The following HSP90AA1 variants were observed in gnomAD, a reference collection of about 807,000 sequenced individuals.
The protein encoded by HSP90AA1 is heat shock protein HSP 90-alpha.
A neutral mutation model predicts 73.3 loss-of-function variants in HSP90AA1; 18 were observed. That is an observed-to-expected ratio of 0.25 (90% CI 0.17 to 0.36). The LOEUF is 0.36. HSP90AA1 is among the 10% of genes least tolerant of loss of function. HSP90AA1 has a pLI of 1.00. For missense variants in HSP90AA1, 704 were observed against 874.2 expected, an observed-to-expected ratio of 0.81 and a Z score of 2.45; for synonymous variants, 477 against 296.9, an observed-to-expected ratio of 1.61 and a Z score of -6.24.
At chr14:102,084,293 AC>A in intron 6 of HSP90AA1, 105 bp downstream of exon 6, 1 of 1,055,112 alleles carries the variant, frequency 9.5e-7, no homozygotes, top group South Asian at 1.3e-5. Flanking sequence ...TGATCTGCCC[AC>A]CCCGGCCTCC....
intron 1 of HSP90AA1, among the ~76,000 whole-genome samples, chr14:102,127,389 A>G (rs566275133): frequency 1.3e-5 from 2 of 152,324 alleles, no homozygotes; most frequent in East Asian, 1.9e-4. Context: ...TTCAGTTCTA[A>G]CATACTGTAA....
chr14:102,130,396 C>T (rs1038931462), intron 1 of HSP90AA1, among the ~76,000 whole-genome samples: 2 of 152,170 alleles, frequency 1.3e-5, no homozygotes, highest in Non-Finnish European at 2.9e-5. Flanking sequence ...ACTTTTCCTT[C>T]CTATCTGCAG....
chr14:102,083,167 A>G lies in HSP90AA1; in HGVS notation c.1622T>C (p.Leu541Ser), dbSNP rs144774653. Reference sequence around the variant, plus strand: ...CAGGCCTTCTTTGGTGACTGACACTAAAGTCTTCCCCTCAAATTCCTTCAG... The same window carrying G: ...CAGGCCTTCTTTGGTGACTGACACTGAAGTCTTCCCCTCAAATTCCTTCAG... ...QQLKEFEGKTLVSVTKEGLEL... is the reference protein window; with the variant it reads ...QQLKEFEGKTSVSVTKEGLEL... The change falls in exon 9 of 11, where the codon TTA becomes TCA. Residue 541 changes from leucine (L) to serine (S), a missense_variant. Physicochemically the swap from Leu to Ser is moderately radical, Grantham distance 145. Coordinates refer to ENST00000216281, the MANE Select transcript of HSP90AA1 (RefSeq NM_005348.4). The G allele has an allele frequency of 8.1e-6, 13 of 1,613,952 alleles. No homozygotes were observed. The highest frequency in any genetic ancestry group is 2.2e-5 in the South Asian group (2 of 91,072).
intron 1 of HSP90AA1, among the ~76,000 whole-genome samples, chr14:102,109,137 T>A (rs1035142605): frequency 1.3e-5 from 2 of 152,150 alleles, no homozygotes; most frequent in African/African-American, 4.8e-5. Flanking sequence ...AATATCTCCC[T>A]CAAAGATAAC....
chr14:102,101,646 A>T (rs753889425), intron 2 of HSP90AA1, among the ~76,000 whole-genome samples: 48 of 152,336 alleles, frequency 3.2e-4, no homozygotes, highest in Middle Eastern at 3.4e-3. Context: ...TATTATGATG[A>T]TTGTCACATG....
chr14:102,123,278 C>G (rs1042703898), intron 1 of HSP90AA1, among the ~76,000 whole-genome samples: 1 of 151,982 alleles, frequency 6.6e-6, no homozygotes, highest in Non-Finnish European at 1.5e-5. Context: ...CCCCTGTAAT[C>G]CCAGCTACTT....
chr14:102,124,721 G>T (rs1007560533), intron 1 of HSP90AA1, among the ~76,000 whole-genome samples: 1 of 151,958 alleles, frequency 6.6e-6, no homozygotes, highest in Admixed American at 6.6e-5. Flanking sequence ...GTTTCTTACA[G>T]TTCTTCAGTT....
At position 102,080,783 on chromosome 14, in the gene HSP90AA1, CATGA is replaced by C; in HGVS notation, c.*925_*928del. 4.6e-6 allele frequency: 1 copy of C among 219,262 alleles called. No homozygotes were observed. Among genetic ancestry groups the C allele is most frequent in the Admixed American group, 5.8e-5 (1 of 17,244 alleles). 13.6% of individuals were successfully genotyped at this position (219,262 alleles called of 1,614,324 possible). A position where few individuals can be genotyped will look rare whatever the true frequency, so the allele number is the denominator to read the frequency against. ...ACTGTATTTAACACAGAAGGTATTC[CATGA>C]ATAACATCAAAACAACGTGGACACT... On this transcript the variant is annotated 3_prime_UTR_variant, in exon 11 of 11. Coordinates refer to ENST00000216281, the MANE Select transcript of HSP90AA1 (RefSeq NM_005348.4).
chr14:102,095,841 T>C (rs2049417053), intron 2 of HSP90AA1, among the ~76,000 whole-genome samples: 1 of 152,054 alleles, frequency 6.6e-6, no homozygotes, highest in Admixed American at 6.6e-5. Context: ...CATTTCCACT[T>C]CCAGCTGGGT....
rs1165638280 is a variant in HSP90AA1, at chr14:102,136,567, CAAAAAAAAAA to C, written c.155+2673_155+2682del. 3.8e-5 allele frequency among the ~76,000 whole-genome samples: 2 copies of C among 53,244 alleles called. 1 individual carries two copies. The highest frequency in any genetic ancestry group is 1.7e-4 in the African/African-American group (2 of 11,586). The allele number at this position is 53,244 out of a possible 152,430, so 34.9% of individuals were successfully genotyped here. ...CTGGGCGACAGAGTGAGACTCGTCT[CAAAAAAAAAA>C]AAAAAAAAAAAAAGAAATACCCGGT... On this transcript the variant is annotated intron_variant, in intron 1 of 11. Transcript: ENST00000334701.
chr14:102,120,501 A>G (rs934263800), intron 1 of HSP90AA1, among the ~76,000 whole-genome samples: 1 of 152,206 alleles, frequency 6.6e-6, no homozygotes, highest in African/African-American at 2.4e-5. Flanking sequence ...TTTGACACAC[A>G]TAAGAAATAC....
chr14:102,126,363 T>C (rs1000534275), intron 1 of HSP90AA1, among the ~76,000 whole-genome samples: 2 of 152,020 alleles, frequency 1.3e-5, no homozygotes, highest in African/African-American at 2.4e-5. Context: ...ATGAAGAAGA[T>C]GGAAGAGGAA....
chr14:102,091,181 C>T (rs552268673), upstream of HSP90AA1, among the ~76,000 whole-genome samples: 2 of 152,262 alleles, frequency 1.3e-5, no homozygotes, highest in Non-Finnish European at 2.9e-5. Context: ...TTAGTCCTCT[C>T]GACTCTGAAG....
chr14:102,120,512 G>A (rs748789428), intron 1 of HSP90AA1, among the ~76,000 whole-genome samples: 24 of 151,868 alleles, frequency 1.6e-4, no homozygotes, highest in African/African-American at 4.8e-4. Flanking sequence ...TAAGAAATAC[G>A]TATTACTCTA....
intron 1 of HSP90AA1, among the ~76,000 whole-genome samples, chr14:102,104,161 T>A (rs1235287129): frequency 6.6e-6 from 1 of 152,168 alleles, no homozygotes; most frequent in African/African-American, 2.4e-5. Context: ...AGTTGGTTTT[T>A]AAAAAAATTA....
chr14:102,122,571 G>A (rs1232279236), intron 1 of HSP90AA1, among the ~76,000 whole-genome samples: 1 of 152,054 alleles, frequency 6.6e-6, no homozygotes, highest in Non-Finnish European at 1.5e-5. Flanking sequence ...GTGAGCCACT[G>A]TGCCCAGCTT....
rs1268822564 is a variant in HSP90AA1, at chr14:102,106,534, CTAATTTTT to C, written c.156-4457_156-4450del. ...GTGCCCGCCTGAGCTCCCTGTTGAG[CTAATTTTT>C]TTTTTTTTTTTTTTTTTTTTGAGAC... On this transcript the variant is annotated intron_variant, in intron 1 of 11. Coordinates refer to the HSP90AA1 transcript ENST00000334701. Among the ~76,000 whole-genome samples the C allele has an allele frequency of 2.6e-3, 320 of 125,456 alleles. 1 individual carries two copies. The highest frequency in any genetic ancestry group is 8.9e-3 in the African/African-American group (304 of 34,168). The allele number at this position is 125,456 out of a possible 152,430, so 82.3% of individuals were successfully genotyped here. A position where few individuals can be genotyped will look rare whatever the true frequency, so the allele number is the denominator to read the frequency against.
At chr14:102,096,237 G>C (rs990151489) in intron 2 of HSP90AA1, among the ~76,000 whole-genome samples, 3 of 152,190 alleles carry the variant, frequency 2.0e-5, no homozygotes, top group Non-Finnish European at 4.4e-5. Context: ...TAGGGGTGGG[G>C]TGTGCACCAA....
chr14:102,085,846 T>G lies in HSP90AA1; in HGVS notation c.441A>C (p.Lys147Asn), dbSNP rs1206298492. Residue 147 changes from lysine to asparagine, a missense_variant, in exon 3 of 11, where the codon AAA becomes AAC. Coordinates refer to ENST00000216281, the MANE Select transcript of HSP90AA1 (RefSeq NM_005348.4). The stretch of plus-strand genomic sequence containing the variant: ...CGTTATGTTTGGTGATCACAGTTAC[T>G]TTCTCAGCAACCAAATAAGCAGAAT... ...GFYSAYLVAE[K>N]VTVITKHNDD... 2.5e-6 allele frequency: 4 copies of G among 1,613,870 alleles called. No homozygotes were observed. Among genetic ancestry groups the G allele is most frequent in the Non-Finnish European group, 3.4e-6 (4 of 1,179,868 alleles).
Sources: allele counts gnomAD v4.1 joint callset (sites outside exome capture counted in the v4.1 genomes callset), GRCh38; gene constraint gnomAD v4.1.1; transcripts MANE v1.5; gene names NCBI Gene and HGNC (gene_info 2026-07-23, HGNC 2026-07-21).